The following ARHGAP1 variants were observed in gnomAD, a reference collection of about 807,000 sequenced individuals.
ARHGAP1 encodes rho GTPase-activating protein 1.
In ARHGAP1, 23 loss-of-function variants were observed where a neutral mutation model predicts 52.2. The ratio of observed to expected loss-of-function variants is 0.44; its 90% CI spans 0.32 to 0.62. The LOEUF is 0.62. Among genes scored for constraint, ARHGAP1 ranks in the 20% least tolerant of loss-of-function variants. The probability of loss-of-function intolerance (pLI) is 0.05; values close to 1 mark genes in which losing one functional copy is unlikely to be tolerated. For synonymous variants in ARHGAP1, 210 were observed against 228.4 expected (o/e 0.92, Z 0.73); for missense variants, 480 against 560.9 (o/e 0.86, Z 1.46).
At position 46,681,894 on chromosome 11, in the gene ARHGAP1, A is replaced by C. The variant is rs369640438; in HGVS notation, c.449+157T>G. Among the ~76,000 whole-genome samples the C allele has an allele frequency of 2.0e-5, 3 of 152,230 alleles. No homozygotes were observed. The highest frequency in any genetic ancestry group is 7.2e-5 in the African/African-American group (3 of 41,458). ...GAGAAACTGGGCCTTACTTAAGCCC[A>C]GGGTGATCTGACTGCAGATTCTTTA... On this transcript the variant is annotated intron_variant, in intron 5 of 12. Coordinates refer to ENST00000311956, the MANE Select transcript of ARHGAP1 (RefSeq NM_004308.5). The surrounding 1 kb of genome is among the most constrained non-coding windows in gnomAD (Gnocchi z 5.7).
chr11:46,688,809 G>A (rs955050580), intron 3 of ARHGAP1, among the ~76,000 whole-genome samples: 16 of 151,618 alleles, frequency 1.1e-4, no homozygotes, highest in South Asian at 2.1e-4. Context: ...CCGGCCGGGC[G>A]CGGTGGCTCA....
chr11:46,684,069 G>T (rs1214690480), intron 4 of ARHGAP1, among the ~76,000 whole-genome samples: 1 of 152,182 alleles, frequency 6.6e-6, no homozygotes, highest in Non-Finnish European at 1.5e-5. Context: ...GAAGCCTGGT[G>T]AAGTGGCCAG....
chr11:46,683,679 T>G (rs2064546061), intron 4 of ARHGAP1, among the ~76,000 whole-genome samples: 1 of 151,682 alleles, frequency 6.6e-6, no homozygotes, highest in Non-Finnish European at 1.5e-5. Context: ...TTGCTCTTGT[T>G]GCCCAGGCTG....
intron 3 of ARHGAP1, chr11:46,695,404 T>A: frequency 1.9e-5 from 10 of 539,952 alleles, no homozygotes; most frequent in South Asian, 1.5e-4. Context: ...AACTGTGTTC[T>A]GGCTCTGGGC....
At position 46,677,643 on chromosome 11, in the gene ARHGAP1, C is replaced by T. The variant is rs964823636; in HGVS notation, c.*1394G>A. 2.8e-4 allele frequency: 65 copies of T among 231,240 alleles called. No homozygotes were observed. The highest frequency in any genetic ancestry group is 5.3e-4 in the Non-Finnish European group (61 of 114,534). The allele number at this position is 231,240 out of a possible 1,614,324, so 14.3% of individuals were successfully genotyped here. ...GAGTGAGATCAGCCATCACTGGGGC[C>T]GAGGTTCTTTGAAAGACAACAGGGC... On this transcript the variant is annotated 3_prime_UTR_variant, in exon 13 of 13. Transcript: ENST00000311956.
intron 3 of ARHGAP1, among the ~76,000 whole-genome samples, chr11:46,689,666 G>A (rs1461908248): frequency 1.3e-5 from 2 of 151,948 alleles, no homozygotes; most frequent in African/African-American, 2.4e-5. Flanking sequence ...TCAGCTTCCC[G>A]AGTAGCTGGG....
At position 46,681,680 on chromosome 11, in the gene ARHGAP1, C is replaced by T. The variant is rs985505606; in HGVS notation, c.450-301G>A. On this transcript the variant is annotated intron_variant, in intron 5 of 12. Transcript: ENST00000311956. The surrounding 1 kb of genome is among the most constrained non-coding windows in gnomAD (Gnocchi z 5.7). ...AACTCCTGACCTCAAGTGATCCATC[C>T]GCCTCAGCTTCCCAAAGTGCTGGGA... is the stretch of plus-strand genomic sequence containing the variant. Among the ~76,000 whole-genome samples the T allele has an allele frequency of 5.9e-5, 9 of 152,254 alleles. No individual in the cohort carries two copies. The highest frequency in any genetic ancestry group is 3.4e-3 in the Middle Eastern group (1 of 294).
intron 1 of ARHGAP1, among the ~76,000 whole-genome samples, chr11:46,698,375 G>A (rs984004788): frequency 6.6e-6 from 1 of 152,058 alleles, no homozygotes; most frequent in African/African-American, 2.4e-5. Context: ...CCCAAGGTGG[G>A]TGGGTCACCA....
chr11:46,681,152 C>CGGT lies in ARHGAP1; in HGVS notation c.537-46_537-44dup, dbSNP rs746245561. The CGGT allele has an allele frequency of 1.3e-6, 2 of 1,569,082 alleles. No individual in the cohort carries two copies. Among genetic ancestry groups the CGGT allele is most frequent in the South Asian group, 2.2e-5 (2 of 90,136 alleles). On this transcript the variant is annotated intron_variant, in intron 6 of 12. Coordinates refer to ENST00000311956, the MANE Select transcript of ARHGAP1 (RefSeq NM_004308.5). This position sits in a 1 kb window ranked among gnomAD's most constrained non-coding sequence, Gnocchi z 5.7. ...GGCCTGGGTTGTGGGGGCCCGCTTC[C>CGGT]GGTGGCCTCCACTCTCCCCTCAACA...
chr11:46,691,949 C>G (rs1428661247), intron 3 of ARHGAP1, among the ~76,000 whole-genome samples: 1 of 152,158 alleles, frequency 6.6e-6, no homozygotes. Flanking sequence ...AGTGAGTTTC[C>G]CAAAGCTCAG....
At chr11:46,690,068 G>C (rs975253608) in intron 3 of ARHGAP1, among the ~76,000 whole-genome samples, 1 of 152,022 alleles carries the variant, frequency 6.6e-6, no homozygotes, top group African/African-American at 2.4e-5. Context: ...TTTATTACTA[G>C]AATTTTTTTT....
At chr11:46,692,145 G>A (rs2064619620) in intron 3 of ARHGAP1, among the ~76,000 whole-genome samples, 1 of 152,158 alleles carries the variant, frequency 6.6e-6, no homozygotes, top group Non-Finnish European at 1.5e-5. Flanking sequence ...GGGGCTATGT[G>A]CCTGCTCTGA....
chr11:46,681,071 AG>A lies in ARHGAP1; in HGVS notation c.574del (p.Leu192Ter). On this transcript the variant is annotated frameshift_variant, in exon 7 of 13. Transcript: ENST00000311956. LOFTEE classifies it high-confidence loss of function. The surrounding 1 kb of genome is among the most constrained non-coding windows in gnomAD (Gnocchi z 5.7). ...FGQKIFYVNYLSELSEHVKLE... is the reference protein window; with the variant it reads ...FGQKIFYVNYXSELSEHVKLE... ...CTTCACGTGCTCGCTCAGCTCGCTC[AG>A]GTAATTCACATAGAAGATCTTCTGC... is the stretch of plus-strand genomic sequence containing the variant. The A allele has an allele frequency of 6.2e-7, 1 of 1,614,146 alleles. No homozygotes were observed. The highest frequency in any genetic ancestry group is 8.5e-7 in the Non-Finnish European group (1 of 1,180,030).
In ARHGAP1 at chr11:46,680,673, A is replaced by G; in HGVS notation, c.710T>C (p.Leu237Pro). Residue 237 changes from leucine to proline, a missense_variant, in exon 8 of 13, where the codon CTG (leucine) becomes CCG (proline). Physicochemically the swap from Leu to Pro is moderately conservative, Grantham distance 98. Transcript: ENST00000311956. The surrounding 1 kb of genome is among the most constrained non-coding windows in gnomAD (Gnocchi z 5.9). ...APKPMPPRPP[L>P]PNQQFGVSLQ... Reference sequence around the variant, plus strand: ...CGAGACTCCAAACTGCTGGTTGGGCAGGGGGGGCCGTGGGGGCATGGGCTT... The same window carrying G: ...CGAGACTCCAAACTGCTGGTTGGGCGGGGGGGGCCGTGGGGGCATGGGCTT... The G allele has an allele frequency of 1.2e-6, 2 of 1,603,698 alleles. No homozygotes were observed. Among genetic ancestry groups the G allele is most frequent in the East Asian group, 2.2e-5 (1 of 44,596 alleles).
rs200096189 is a variant in ARHGAP1 at position 46,679,805 on chromosome 11, C to T, written c.899-29G>A. 4.3e-6 allele frequency: 7 copies of T among 1,611,824 alleles called. No homozygotes were observed. The highest frequency in any genetic ancestry group is 3.3e-5 in the South Asian group (3 of 91,008). On this transcript the variant is annotated intron_variant, in intron 10 of 12. Transcript: ENST00000311956. This position sits in a 1 kb window ranked among gnomAD's most constrained non-coding sequence, Gnocchi z 4.4. ...GGGTGGGGGCAGCGTGAGAGAAGCT[C>T]GGCACAGCCTGAAGGGCAGCACCCA...
In ARHGAP1 at chr11:46,680,878, C is replaced by T; in HGVS notation, c.636-131G>A. 1 of 1,094,540 alleles carries T rather than the reference C, an allele frequency of 9.1e-7. No homozygotes were observed. Among genetic ancestry groups the T allele is most frequent in the Non-Finnish European group, 1.3e-6 (1 of 756,838 alleles). The allele number at this position is 1,094,540 out of a possible 1,614,324, so 67.8% of individuals were successfully genotyped here. A position where few individuals can be genotyped will look rare whatever the true frequency, so the allele number is the denominator to read the frequency against. On this transcript the variant is annotated intron_variant, in intron 7 of 12. Coordinates refer to ENST00000311956, the MANE Select transcript of ARHGAP1 (RefSeq NM_004308.5). The surrounding 1 kb of genome is among the most constrained non-coding windows in gnomAD (Gnocchi z 5.9). ...ATCTCTGTAACAACTCCGCTTTCCA[C>T]AGCAGAAAGCAAAGACCTGGGAGAG... is the stretch of plus-strand genomic sequence containing the variant.
At chr11:46,700,258 T>C (rs1417021498) in intron 1 of ARHGAP1, among the ~76,000 whole-genome samples, 15 of 152,382 alleles carry the variant, frequency 9.8e-5, no homozygotes, top group Admixed American at 7.8e-4. Flanking sequence ...AGATCAGATC[T>C]GGGAGATTTC....
intron 4 of ARHGAP1, 71 bp from the exon 5 acceptor site, chr11:46,682,253 C>A: frequency 6.3e-7 from 1 of 1,585,898 alleles, no homozygotes; most frequent in East Asian, 2.3e-5. Flanking sequence ...GAAAGCAGCC[C>A]CAAGAGTCTC....
At position 46,696,202 on chromosome 11, in the gene ARHGAP1, C is replaced by T; in HGVS notation, c.-49-46G>A. Reference sequence around the variant, plus strand: ...TGGCAGGTCAGTGACCTGCTCTTTTCACCTTCTGCGACCTCCACCGCGTGC... The same window carrying T: ...TGGCAGGTCAGTGACCTGCTCTTTTTACCTTCTGCGACCTCCACCGCGTGC... On this transcript the variant is annotated intron_variant, in intron 1 of 12. Coordinates refer to ENST00000311956, the MANE Select transcript of ARHGAP1 (RefSeq NM_004308.5). The surrounding 1 kb of genome is among the most constrained non-coding windows in gnomAD (Gnocchi z 4.8). 1.4e-6 allele frequency: 2 copies of T among 1,397,782 alleles called. No individual in the cohort carries two copies. The highest frequency in any genetic ancestry group is 1.9e-6 in the Non-Finnish European group (2 of 1,037,442). 86.6% of individuals were successfully genotyped at this position (1,397,782 alleles called of 1,614,324 possible). A position where few individuals can be genotyped will look rare whatever the true frequency, so the allele number is the denominator to read the frequency against.
Sources: allele counts gnomAD v4.1 joint callset (sites outside exome capture counted in the v4.1 genomes callset), GRCh38; gene constraint gnomAD v4.1.1; non-coding constraint Gnocchi (gnomAD v3.1); transcripts MANE v1.5; gene names NCBI Gene and HGNC (gene_info 2026-07-23, HGNC 2026-07-21).